The following SPAG17 variants were observed in gnomAD, a reference collection of about 807,000 sequenced individuals.
SPAG17 encodes sperm-associated antigen 17.
SPAG17 carries 169 observed loss-of-function variants against 273.6 expected under a neutral mutation model. The observed-to-expected ratio is 0.62, with a 90% CI of 0.55 to 0.70. SPAG17 has a LOEUF of 0.70. SPAG17 is among the 30% of genes least tolerant of loss of function. The pLI, the probability that SPAG17 is intolerant of heterozygous loss-of-function variation, is 0.00. For missense variants in SPAG17, 2,557 were observed against 2,627.8 expected, an observed-to-expected ratio of 0.97 and a Z score of 0.59; for synonymous variants, 825 against 873.2, an observed-to-expected ratio of 0.94 and a Z score of 0.97.
intron 3 of SPAG17, among the ~76,000 whole-genome samples, chr1:118,143,895 G>C (rs1658821773): frequency 6.6e-6 from 1 of 152,114 alleles, no homozygotes; most frequent in South Asian, 2.1e-4. Context: ...CTCCTGATGA[G>C]ATTCCTGCCT....
At chr1:117,980,782 T>C (rs1483735119) in intron 43 of SPAG17, among the ~76,000 whole-genome samples, 1 of 152,236 alleles carries the variant, frequency 6.6e-6, no homozygotes, top group African/African-American at 2.4e-5. Context: ...TTATCCTGTA[T>C]TATTTTATAT....
intron 1 of SPAG17, among the ~76,000 whole-genome samples, chr1:118,155,718 C>G (rs1362015479): frequency 6.6e-6 from 1 of 152,216 alleles, no homozygotes; most frequent in Non-Finnish European, 1.5e-5. Context: ...TTATTAAGAG[C>G]TACTTAACAC....
Position 117,953,605 on chromosome 1 carries a change from T to G in SPAG17, c.*445A>C, listed in dbSNP as rs1421263478. 2 of 1,546,724 alleles carry G rather than the reference T, an allele frequency of 1.3e-6. No individual in the cohort carries two copies. Among genetic ancestry groups the G allele is most frequent in the Non-Finnish European group, 1.8e-6 (2 of 1,136,744 alleles). ...AGATCTCAACTTTTTAGTAAAAGTTTTATTCTGTATCAACCAGAAAGCCAT... is the reference window on the plus strand; with the variant it reads ...AGATCTCAACTTTTTAGTAAAAGTTGTATTCTGTATCAACCAGAAAGCCAT... On this transcript the variant is annotated 3_prime_UTR_variant, in exon 49 of 49. Coordinates refer to ENST00000336338, the MANE Select transcript of SPAG17 (RefSeq NM_206996.4).
rs183629296 is a variant in SPAG17, at chr1:118,136,833, T to G, written c.315+13710A>C. On this transcript the variant is annotated intron_variant, in intron 3 of 48. Coordinates refer to ENST00000336338, the MANE Select transcript of SPAG17 (RefSeq NM_206996.4). ...TGTGTGTGTGTGTGTGTGTGTGTGT[T>G]TTTAATGATGGAGGAATCATGAAAT... Among the ~76,000 whole-genome samples the G allele has an allele frequency of 1.4e-3, 188 of 137,560 alleles. 1 individual carries two copies. Among genetic ancestry groups the G allele is most frequent in the East Asian group, 2.6e-3 (9 of 3,494 alleles). 90.2% of individuals were successfully genotyped at this position (137,560 alleles called of 152,430 possible).
intron 40 of SPAG17, 103 bp from the exon 41 acceptor site, chr1:117,984,885 C>A (rs1035252446): frequency 1.4e-6 from 1 of 720,152 alleles, no homozygotes; most frequent in Non-Finnish European, 2.4e-6. Context: ...AATGCAATCA[C>A]TAACAATAAA....
chr1:117,993,376 T>C (rs564205774), intron 35 of SPAG17, among the ~76,000 whole-genome samples: 20 of 152,318 alleles, frequency 1.3e-4, no homozygotes, highest in African/African-American at 4.6e-4. Flanking sequence ...CTTCCTTCAA[T>C]AATCTTAGAT....
chr1:118,008,046 G>T lies in SPAG17; in HGVS notation c.4585C>A (p.Gln1529Lys). The change falls in exon 31 of 49, where the codon CAG becomes AAG. Residue 1529 changes from glutamine (Q) to lysine (K), a missense_variant and splice_region_variant. Physicochemically the swap from Gln to Lys is moderately conservative, Grantham distance 53 (BLOSUM62 1). Coordinates refer to ENST00000336338, the MANE Select transcript of SPAG17 (RefSeq NM_206996.4). ...TCTCATTTTCCTCGTAGACCTACCT[G>T]GTATGTTCCCTGTGGCTTTGCAATA... ...TIIAKPQGTY[Q>K]VLPPNTGSLY... is the part of the protein sequence containing the mutation. 1 of 1,613,884 alleles carries T rather than the reference G, an allele frequency of 6.2e-7. No homozygotes were observed. Among genetic ancestry groups the T allele is most frequent in the Non-Finnish European group, 8.5e-7 (1 of 1,179,864 alleles).
intron 1 of SPAG17, among the ~76,000 whole-genome samples, chr1:118,178,424 G>A (rs1660793490): frequency 6.6e-6 from 1 of 151,756 alleles, no homozygotes; most frequent in African/African-American, 2.4e-5. Flanking sequence ...TAAAAAACTG[G>A]GTGTAGAAGA....
intron 3 of SPAG17, among the ~76,000 whole-genome samples, chr1:118,138,096 A>G (rs1305721883): frequency 6.6e-6 from 1 of 152,158 alleles, no homozygotes; most frequent in African/African-American, 2.4e-5. Context: ...TCTGGGGATC[A>G]TGACCCTTTT....
intron 28 of SPAG17, 147 bp from the exon 29 acceptor site, chr1:118,016,329 C>T: frequency 1.5e-6 from 1 of 666,692 alleles, no homozygotes; most frequent in East Asian, 2.7e-5. Context: ...TATATTATTT[C>T]TCAATAGGGA....
intron 3 of SPAG17, among the ~76,000 whole-genome samples, chr1:118,148,418 G>A (rs539171258): frequency 6.6e-6 from 1 of 152,172 alleles, no homozygotes; most frequent in East Asian, 1.9e-4. Flanking sequence ...TGCTAGCTCA[G>A]GTGGCCAGCT....
At chr1:117,957,429 C>T (rs952360063) in intron 48 of SPAG17, among the ~76,000 whole-genome samples, 14 of 152,322 alleles carry the variant, frequency 9.2e-5, no homozygotes, top group African/African-American at 2.9e-4. Context: ...TGATGACCCA[C>T]CTCTTTAAGT....
chr1:117,963,999 A>C, intron 47 of SPAG17, 61 bp from the exon 48 acceptor site: 1 of 1,534,296 alleles, frequency 6.5e-7, no homozygotes, highest in Non-Finnish European at 8.8e-7. Flanking sequence ...TATAAACCTA[A>C]ATAACATTTT....
At chr1:118,032,221 G>T (rs1452412053) in intron 24 of SPAG17, among the ~76,000 whole-genome samples, 1 of 152,030 alleles carries the variant, frequency 6.6e-6, no homozygotes, top group African/African-American at 2.4e-5. Flanking sequence ...GTTTAGAGCA[G>T]CAGAAAATAA....
intron 4 of SPAG17, among the ~76,000 whole-genome samples, chr1:118,102,534 C>T (rs993817698): frequency 6.6e-5 from 10 of 152,004 alleles, no homozygotes; most frequent in Non-Finnish European, 1.3e-4. Context: ...CAGACATAAC[C>T]AATGGTTGCT....
chr1:118,166,759 C>T (rs1378816887), intron 1 of SPAG17, among the ~76,000 whole-genome samples: 1 of 152,146 alleles, frequency 6.6e-6, no homozygotes. Flanking sequence ...CTTTTACCAT[C>T]TTCAGCATCT....
At position 118,004,578 on chromosome 1, in the gene SPAG17, T is replaced by C. The variant is rs147394490; in HGVS notation, c.4776+836A>G. On this transcript the variant is annotated intron_variant, in intron 32 of 48. Transcript: ENST00000336338. Reference sequence around the variant, plus strand: ...CACAGTTTGATCTCAGGCTGCTGTTTAGCAGTCAGCAAGGCTCCTTGGGCG... The same window carrying C: ...CACAGTTTGATCTCAGGCTGCTGTTCAGCAGTCAGCAAGGCTCCTTGGGCG... Among the ~76,000 whole-genome samples, 65 of 152,362 alleles carry C rather than the reference T, an allele frequency of 4.3e-4. No individual in the cohort carries two copies. In the East Asian group the frequency reaches 0.012, roughly 28 times the overall value.
intron 20 of SPAG17, among the ~76,000 whole-genome samples, chr1:118,047,313 C>A (rs890808615): frequency 6.6e-6 from 1 of 152,178 alleles, no homozygotes; most frequent in African/African-American, 2.4e-5. Context: ...AACACCTTCA[C>A]AAGAGCCAGG....
At chr1:118,040,921 T>C in intron 21 of SPAG17, 80 bp from the exon 22 acceptor site, 1 of 909,312 alleles carries the variant, frequency 1.1e-6, no homozygotes, top group Non-Finnish European at 1.8e-6. Context: ...CCAACTAAAG[T>C]TGCCAGAAGC....
Sources: gnomAD v4.1 joint callset for allele counts (sites outside exome capture counted in the v4.1 genomes callset) on GRCh38, gnomAD v4.1.1 for gene constraint, MANE v1.5 for transcripts, NCBI Gene and HGNC (gene_info 2026-07-23, HGNC 2026-07-21) for gene names.